Variants in FAM120B observed in about 807,000 individuals in gnomAD.
FAM120B encodes the protein family with sequence similarity 120 member B.
Under a neutral mutation model 96.3 loss-of-function variants are expected in FAM120B, and 83 were observed. That is an observed-to-expected ratio of 0.86 (90% CI 0.72 to 1.03). The LOEUF is 1.03. FAM120B is among the 50% of genes least tolerant of loss of function. The probability of loss-of-function intolerance (pLI) is 0.00; values close to 1 mark genes in which losing one functional copy is unlikely to be tolerated. For synonymous variants in FAM120B, 407 were observed against 402.7 expected (o/e 1.01, Z -0.13); for missense variants, 1,027 against 1,121.2 (o/e 0.92, Z 1.20).
intron 2 of FAM120B, among the ~76,000 whole-genome samples, chr6:170,322,220 G>C (rs1359665477): frequency 6.6e-6 from 1 of 152,228 alleles, no homozygotes; most frequent in Non-Finnish European, 1.5e-5. Flanking sequence ...TTTTCACTCA[G>C]TAAACAATTT....
chr6:170,373,297 A>G (rs957887470), intron 6 of FAM120B, among the ~76,000 whole-genome samples: 1 of 152,212 alleles, frequency 6.6e-6, no homozygotes, highest in African/African-American at 2.4e-5. Context: ...AATTTTATTC[A>G]TTGGGTTGGA....
chr6:170,403,401 A>C (rs1390126045), intron 9 of FAM120B, among the ~76,000 whole-genome samples: 1 of 152,102 alleles, frequency 6.6e-6, no homozygotes, highest in African/African-American at 2.4e-5. Flanking sequence ...AAGTAGTTCA[A>C]GTAGAAAGTT....
At chr6:170,390,184 C>T (rs960448145) in intron 7 of FAM120B, among the ~76,000 whole-genome samples, 2 of 152,200 alleles carry the variant, frequency 1.3e-5, no homozygotes, top group African/African-American at 4.8e-5. Flanking sequence ...GCGGAGAGAA[C>T]ACATTTGGTA....
intron 4 of FAM120B, among the ~76,000 whole-genome samples, chr6:170,345,174 C>T (rs1401738843): frequency 6.6e-6 from 1 of 152,166 alleles, no homozygotes; most frequent in East Asian, 1.9e-4. Context: ...ATTGTTGCCT[C>T]CTTTCAATCC....
intron 2 of FAM120B, among the ~76,000 whole-genome samples, chr6:170,319,359 C>T (rs1205154983): frequency 6.6e-6 from 1 of 152,150 alleles, no homozygotes; most frequent in African/African-American, 2.4e-5. Flanking sequence ...AGAAAGAGAA[C>T]ATTGTGGGTT....
chr6:170,323,323 CAG>C, intron 3 of FAM120B, 64 bp downstream of exon 3: 1 of 1,370,954 alleles, frequency 7.3e-7, no homozygotes, highest in South Asian at 1.3e-5. Context: ...AGAAACTGGC[CAG>C]ATGAAATAGA....
chr6:170,399,694 C>G (rs1456778262), intron 9 of FAM120B, among the ~76,000 whole-genome samples: 1 of 144,726 alleles, frequency 6.9e-6, no homozygotes, highest in African/African-American at 2.6e-5. Context: ...AGAACTATGT[C>G]ATAACTCTTA....
upstream of FAM120B, among the ~76,000 whole-genome samples, chr6:170,292,778 C>A (rs1254686214): frequency 6.6e-6 from 1 of 152,218 alleles, no homozygotes; most frequent in Non-Finnish European, 1.5e-5. This position sits in a 1 kb window ranked among gnomAD's most constrained non-coding sequence, Gnocchi z 6.6. Context: ...TGTCCTGCTA[C>A]CTTGTTTCCC....
intron 4 of FAM120B, among the ~76,000 whole-genome samples, chr6:170,339,608 T>C (rs1472126888): frequency 6.6e-6 from 1 of 151,850 alleles, no homozygotes; most frequent in Admixed American, 6.6e-5. Context: ...TGAAACCTTG[T>C]CTCTACTAAA....
At chr6:170,325,712 G>C (rs1211127521) in intron 3 of FAM120B, among the ~76,000 whole-genome samples, 1 of 151,892 alleles carries the variant, frequency 6.6e-6, no homozygotes, top group Non-Finnish European at 1.5e-5. Flanking sequence ...ATGATGGCAG[G>C]TGCCTGTAAT....
At chr6:170,324,477 G>A (rs534578262) in intron 3 of FAM120B, among the ~76,000 whole-genome samples, 12 of 152,084 alleles carry the variant, frequency 7.9e-5, no homozygotes, top group African/African-American at 1.4e-4. Flanking sequence ...CTCTCTACCC[G>A]CATTCTTTCT....
intron 9 of FAM120B, among the ~76,000 whole-genome samples, chr6:170,402,480 G>A (rs1408696756): frequency 6.6e-6 from 1 of 152,260 alleles, no homozygotes; most frequent in Non-Finnish European, 1.5e-5. Context: ...GCACGGAGGA[G>A]ATGTGAGCAG....
At chr6:170,378,448 C>T (rs905657048) in intron 6 of FAM120B, among the ~76,000 whole-genome samples, 14 of 152,168 alleles carry the variant, frequency 9.2e-5, no homozygotes, top group East Asian at 3.8e-4. Context: ...GACTTGTTTC[C>T]GTTCATGTCC....
At chr6:170,404,425 G>C (rs1008623034) in intron 9 of FAM120B, 125 bp from the exon 10 acceptor site, 1 of 777,568 alleles carries the variant, frequency 1.3e-6, no homozygotes, top group African/African-American at 1.7e-5. Context: ...CTGTAAAGAG[G>C]ATAAAGCTGT....
chr6:170,388,250 T>C, intron 6 of FAM120B, 37 bp from the exon 7 acceptor site: 2 of 1,582,698 alleles, frequency 1.3e-6, no homozygotes, highest in Non-Finnish European at 1.7e-6. Flanking sequence ...GTGTGACTCC[T>C]GTCTTACATT....
At chr6:170,304,705 TGA>T (rs928590653), upstream of FAM120B, among the ~76,000 whole-genome samples, 72 of 152,168 alleles carry the variant, frequency 4.7e-4, no homozygotes, top group African/African-American at 1.7e-3. Context: ...CTCCTGCGCA[TGA>T]GAGTTTGGTC....
intron 8 of FAM120B, 66 bp from the exon 9 acceptor site, chr6:170,395,421 C>A: frequency 7.8e-7 from 1 of 1,275,578 alleles, no homozygotes; most frequent in Non-Finnish European, 1.1e-6. Context: ...CCACCCTTTA[C>A]ATGCTGTGTC....
chr6:170,360,262 G>C (rs933241424), intron 6 of FAM120B, among the ~76,000 whole-genome samples: 1 of 152,248 alleles, frequency 6.6e-6, no homozygotes, highest in African/African-American at 2.4e-5. Flanking sequence ...CCAAACTTCT[G>C]TGTGCCTCAG....
chr6:170,365,769 C>T (rs1029824910), intron 6 of FAM120B, among the ~76,000 whole-genome samples: 40 of 151,798 alleles, frequency 2.6e-4, no homozygotes, highest in Non-Finnish European at 5.2e-4. Context: ...CCTGACACCC[C>T]GCCTCCCCCA....
Sources: allele counts gnomAD v4.1 joint callset (sites outside exome capture counted in the v4.1 genomes callset), GRCh38; gene constraint gnomAD v4.1.1; non-coding constraint Gnocchi (gnomAD v3.1); transcripts MANE v1.5; gene names NCBI Gene and HGNC (gene_info 2026-07-23, HGNC 2026-07-21).